AGBL3: variants seen among roughly 807,000 people sequenced by gnomAD.
AGBL3 encodes the protein cytosolic carboxypeptidase 3.
AGBL3 carries 68 observed loss-of-function variants against 94.5 expected under a neutral mutation model. The ratio of observed to expected loss-of-function variants is 0.72; its 90% CI spans 0.59 to 0.88. The LOEUF is 0.88. Ranked by LOEUF, AGBL3 falls within the 40% of genes least tolerant of loss-of-function variation. The pLI, the probability that AGBL3 is intolerant of heterozygous loss-of-function variation, is 0.00. For missense variants in AGBL3, 934 were observed against 1,103.8 expected (o/e 0.85, Z 2.18); for synonymous variants, 354 against 370.7 (o/e 0.95, Z 0.52).
chr7:135,079,206 C>A (rs1473373470), intron 13 of AGBL3, among the ~76,000 whole-genome samples: 1 of 152,274 alleles, frequency 6.6e-6, no homozygotes, highest in East Asian at 1.9e-4. Context: ...TTTATCAAAT[C>A]AAGTCTTACT....
At chr7:135,053,904 A>G (rs1818110092) in intron 11 of AGBL3, among the ~76,000 whole-genome samples, 1 of 152,248 alleles carries the variant, frequency 6.6e-6, no homozygotes. Context: ...ACTATTATAA[A>G]GCAATTTAAA....
intron 11 of AGBL3, among the ~76,000 whole-genome samples, chr7:135,052,011 T>C (rs1817919374): frequency 6.6e-6 from 1 of 152,172 alleles, no homozygotes; most frequent in Admixed American, 6.6e-5. Flanking sequence ...ATTTTTTGTT[T>C]TTAAATTATA....
intron 12 of AGBL3, among the ~76,000 whole-genome samples, chr7:135,068,803 C>T (rs576546626): frequency 1.2e-4 from 19 of 152,300 alleles, no homozygotes; most frequent in Non-Finnish European, 5.9e-5. Context: ...TAAAGACCAT[C>T]GATGCTAGGA....
chr7:135,066,727 T>C (rs1479569333), intron 12 of AGBL3, among the ~76,000 whole-genome samples: 3 of 152,090 alleles, frequency 2.0e-5, no homozygotes, highest in Non-Finnish European at 4.4e-5. Context: ...TATCAATGGA[T>C]GAATGGATAA....
chr7:135,066,653 A>G (rs11770399), intron 12 of AGBL3, among the ~76,000 whole-genome samples: 1 of 152,000 alleles, frequency 6.6e-6, no homozygotes, highest in Non-Finnish European at 1.5e-5. Context: ...TGCTAAAGAG[A>G]TATTAGCATT....
intron 16 of AGBL3, among the ~76,000 whole-genome samples, chr7:135,118,835 A>G (rs1401418644): frequency 6.6e-6 from 1 of 152,180 alleles, no homozygotes; most frequent in African/African-American, 2.4e-5. Flanking sequence ...TTAAGAACCA[A>G]ATAGAAATTT....
In AGBL3 at chr7:134,989,222, G is replaced by A. The variant is rs752932831; in HGVS notation, c.64-28G>A. 12 of 1,498,888 alleles carry A rather than the reference G, an allele frequency of 8.0e-6. No homozygotes were observed. In the South Asian group the frequency reaches 1.5e-4, roughly 19 times the overall value. 92.8% of individuals were successfully genotyped at this position (1,498,888 alleles called of 1,614,324 possible). A position where few individuals can be genotyped will look rare whatever the true frequency, so the allele number is the denominator to read the frequency against. Reference sequence around the variant, plus strand: ...ATTTGAAAACTGTTGGTTTTTAAAAGAGAAATATTTTTAAATTCTTATTTT... The same window carrying A: ...ATTTGAAAACTGTTGGTTTTTAAAAAAGAAATATTTTTAAATTCTTATTTT... On this transcript the variant is annotated intron_variant, in intron 2 of 16. Coordinates refer to ENST00000436302, the MANE Select transcript of AGBL3 (RefSeq NM_178563.4).
intron 15 of AGBL3, among the ~76,000 whole-genome samples, chr7:135,111,374 C>T (rs543274156): frequency 1.3e-5 from 2 of 152,244 alleles, no homozygotes; most frequent in South Asian, 2.1e-4. Flanking sequence ...TCTACTGTTG[C>T]CATACCATGA....
intron 4 of AGBL3, among the ~76,000 whole-genome samples, chr7:135,005,254 A>T (rs1474654712): frequency 1.3e-5 from 2 of 151,782 alleles, no homozygotes; most frequent in Non-Finnish European, 3.0e-5. Flanking sequence ...TACATTTTAC[A>T]AAAGATGAAA....
At chr7:135,019,826 T>C (rs529580768) in intron 5 of AGBL3, among the ~76,000 whole-genome samples, 2 of 152,314 alleles carry the variant, frequency 1.3e-5, no homozygotes, top group East Asian at 3.9e-4. Context: ...AAGGATTCCC[T>C]ATTTAACAAA....
intron 15 of AGBL3, among the ~76,000 whole-genome samples, chr7:135,083,975 G>A (rs186510792): frequency 2.4e-3 from 371 of 152,248 alleles, no homozygotes; most frequent in African/African-American, 8.6e-3. Context: ...CACTATGGGG[G>A]CCACAGTGAA....
chr7:135,099,228 C>G (rs1484997853), intron 15 of AGBL3, among the ~76,000 whole-genome samples: 1 of 152,102 alleles, frequency 6.6e-6, no homozygotes, highest in Non-Finnish European at 1.5e-5. Flanking sequence ...CTGTCACTGT[C>G]TTTCATAGAT....
At chr7:135,106,420 T>C (rs1824729924) in intron 15 of AGBL3, among the ~76,000 whole-genome samples, 1 of 152,236 alleles carries the variant, frequency 6.6e-6, no homozygotes. Flanking sequence ...GTTTTTAACA[T>C]GGAGGAATGT....
chr7:135,081,202 GAAAGT>G (rs1278423687), intron 14 of AGBL3, among the ~76,000 whole-genome samples: 1 of 152,054 alleles, frequency 6.6e-6, no homozygotes, highest in Non-Finnish European at 1.5e-5. Flanking sequence ...ATAAGCAAAA[GAAAGT>G]AAACATTACA....
In AGBL3 at chr7:135,037,522, CATT is replaced by C; in HGVS notation, c.1445_1447del (p.Leu482del). ...TGTGATGGTAGTGACAGATCTAAGA[CATT>C]ATACTTACAGCAACGAATCTTCCCA... is the stretch of plus-strand genomic sequence containing the variant. On this transcript the variant is annotated inframe_deletion, in exon 8 of 17. Coordinates refer to ENST00000436302, the MANE Select transcript of AGBL3 (RefSeq NM_178563.4). 6.5e-7 allele frequency: 1 copy of C among 1,547,718 alleles called. No individual in the cohort carries two copies. Among genetic ancestry groups the C allele is most frequent in the Non-Finnish European group, 8.7e-7 (1 of 1,145,076 alleles).
chr7:135,078,329 G>C (rs1253904184), intron 13 of AGBL3, among the ~76,000 whole-genome samples: 1 of 152,144 alleles, frequency 6.6e-6, no homozygotes, highest in Non-Finnish European at 1.5e-5. Context: ...AGCAGAGATG[G>C]CTATAAAGGA....
At chr7:134,988,680 C>A (rs1426647497) in intron 2 of AGBL3, among the ~76,000 whole-genome samples, 1 of 150,716 alleles carries the variant, frequency 6.6e-6, no homozygotes, top group East Asian at 1.9e-4. Context: ...TCTTGTTGCT[C>A]AAGCTGGAGT....
intron 5 of AGBL3, among the ~76,000 whole-genome samples, chr7:135,023,945 G>C (rs1814796882): frequency 1.3e-5 from 2 of 152,250 alleles, no homozygotes; most frequent in Non-Finnish European, 2.9e-5. Flanking sequence ...TGGAGGCACA[G>C]GCCAGTTACA....
chr7:135,115,070 C>G (rs560321650), intron 15 of AGBL3, among the ~76,000 whole-genome samples: 14 of 152,124 alleles, frequency 9.2e-5, no homozygotes, highest in Non-Finnish European at 1.9e-4. Context: ...GAAACCTGCT[C>G]GATTTACTTC....
Sources: gnomAD v4.1 joint callset for allele counts (sites outside exome capture counted in the v4.1 genomes callset) on GRCh38, gnomAD v4.1.1 for gene constraint, MANE v1.5 for transcripts, NCBI Gene and HGNC (gene_info 2026-07-23, HGNC 2026-07-21) for gene names.